The following TMTC1 variants were observed in gnomAD, a reference collection of about 807,000 sequenced individuals.
TMTC1 encodes the protein protein O-mannosyl-transferase TMTC1.
Under a neutral mutation model 104.8 loss-of-function variants are expected in TMTC1, and 73 were observed. The ratio of observed to expected loss-of-function variants is 0.70; its 90% confidence interval spans 0.58 to 0.85. The LOEUF (loss-of-function observed/expected upper bound fraction) is 0.85, where lower values mean the gene tolerates loss of function less well. TMTC1 is among the 40% of genes least tolerant of loss of function. The pLI is 0.00. For synonymous variants in TMTC1, 434 were observed against 428.7 expected (o/e 1.01, Z -0.15); for missense variants, 1,035 against 1,096.1 (o/e 0.94, Z 0.79).
chr12:29,662,970 C>G (rs117199175), intron 5 of TMTC1, among the ~76,000 whole-genome samples: 333 of 152,322 alleles, frequency 2.2e-3, no homozygotes, highest in Non-Finnish European at 3.4e-3. Flanking sequence ...TAGCTGCCAA[C>G]AGAGAGCTTG....
At chr12:29,692,558 C>A (rs1941297365) in intron 5 of TMTC1, among the ~76,000 whole-genome samples, 1 of 145,120 alleles carries the variant, frequency 6.9e-6, no homozygotes, top group Admixed American at 7.1e-5. Flanking sequence ...TAGGATATGT[C>A]AACTGGTACA....
At position 29,633,318 on chromosome 12, in the gene TMTC1, G is replaced by T; in HGVS notation, c.957C>A (p.Tyr319Ter). The change falls in exon 6 of 18, where the codon TAC (tyrosine) becomes TAA (stop). Residue 319 changes from tyrosine (Y) to a stop codon, truncating the protein, a stop_gained. Transcript: ENST00000539277. LOFTEE classifies it high-confidence loss of function. The stretch of plus-strand genomic sequence containing the variant: ...GAAGCCACACATTGAAGGCCAAGAG[G>T]TAGGAATAGGTGAGGAATCTATAAA... ...WSMMRFLTYSYLLAFNVWLLL... is the reference protein window; with the variant it reads ...WSMMRFLTYS 1 of 1,611,336 alleles carries T rather than the reference G, an allele frequency of 6.2e-7. No homozygotes were observed. The highest frequency in any genetic ancestry group is 8.5e-7 in the Non-Finnish European group (1 of 1,178,266).
intron 1 of TMTC1, among the ~76,000 whole-genome samples, chr12:29,780,916 A>C (rs1413789166): frequency 6.6e-6 from 1 of 152,250 alleles, no homozygotes; most frequent in Non-Finnish European, 1.5e-5. Flanking sequence ...GATACAGTTA[A>C]AATGGTTTGC....
At chr12:29,565,363 T>C (rs1945481848) in intron 9 of TMTC1, among the ~76,000 whole-genome samples, 1 of 152,204 alleles carries the variant, frequency 6.6e-6, no homozygotes, top group Non-Finnish European at 1.5e-5. Flanking sequence ...TTTTACCAAA[T>C]ATCTAGGTAT....
chr12:29,771,995 T>G (rs1306916240), intron 1 of TMTC1, among the ~76,000 whole-genome samples: 5 of 152,194 alleles, frequency 3.3e-5, no homozygotes, highest in Non-Finnish European at 7.4e-5. Context: ...TAAACATGAA[T>G]GGATGAATGA....
In TMTC1 at chr12:29,502,682, C is replaced by A. The variant is rs4931197; in HGVS notation, c.*4164G>T. The A allele has an allele frequency of 4.7e-4, 72 of 152,308 alleles. No homozygotes were observed. The highest frequency in any genetic ancestry group is 1.7e-3 in the African/African-American group (72 of 41,554). 9.4% of individuals were successfully genotyped at this position (152,308 alleles called of 1,614,324 possible). A position where few individuals can be genotyped will look rare whatever the true frequency, so the allele number is the denominator to read the frequency against. ...GTGCCATACATCATTGTTAAGACTT[C>A]TTTGGCTCATTTTAGTATAGACTTA... On this transcript the variant is annotated 3_prime_UTR_variant, in exon 18 of 18. Coordinates refer to ENST00000539277, the MANE Select transcript of TMTC1 (RefSeq NM_001193451.2).
chr12:29,584,651 C>A (rs1946078563), intron 7 of TMTC1, among the ~76,000 whole-genome samples: 1 of 151,892 alleles, frequency 6.6e-6, no homozygotes, highest in Admixed American at 6.6e-5. Context: ...TCCATGTTGT[C>A]ATTGTTCAGT....
intron 5 of TMTC1, among the ~76,000 whole-genome samples, chr12:29,692,846 T>C (rs917357436): frequency 6.9e-6 from 1 of 145,266 alleles, no homozygotes; most frequent in Non-Finnish European, 1.5e-5. Context: ...TGTTATAACA[T>C]AGATAAACCT....
intron 9 of TMTC1, among the ~76,000 whole-genome samples, chr12:29,560,703 T>C (rs1395683433): frequency 2.6e-5 from 4 of 152,244 alleles, no homozygotes; most frequent in African/African-American, 7.2e-5. Flanking sequence ...CTTTAGTTAC[T>C]GGATAAACAA....
chr12:29,590,909 G>A (rs1946264905), intron 7 of TMTC1, among the ~76,000 whole-genome samples: 1 of 152,146 alleles, frequency 6.6e-6, no homozygotes, highest in Non-Finnish European at 1.5e-5. Flanking sequence ...CTCAGCCTTG[G>A]CCCAAATAAA....
intron 6 of TMTC1, among the ~76,000 whole-genome samples, chr12:29,606,852 T>G (rs1431816949): frequency 6.6e-6 from 1 of 151,990 alleles, no homozygotes; most frequent in African/African-American, 2.4e-5. Flanking sequence ...CTCACTACGG[T>G]GGGTGTTCAC....
intron 16 of TMTC1, 76 bp from the exon 17 acceptor site, chr12:29,512,196 C>G: frequency 8.1e-7 from 1 of 1,232,450 alleles, no homozygotes; most frequent in South Asian, 1.4e-5. Flanking sequence ...ACTTTCTTCA[C>G]GTGTGAAAAT....
intron 5 of TMTC1, chr12:29,660,123 C>G: frequency 3.0e-6 from 2 of 666,510 alleles, no homozygotes; most frequent in Non-Finnish European, 5.1e-6. Flanking sequence ...CTGGCTTGTA[C>G]TGACCAACAG....
At chr12:29,723,065 G>C (rs891212203) in intron 5 of TMTC1, among the ~76,000 whole-genome samples, 2 of 151,776 alleles carry the variant, frequency 1.3e-5, no homozygotes, top group African/African-American at 4.8e-5. Flanking sequence ...AAATTATAAA[G>C]AGTACCTTTT....
At chr12:29,630,061 A>G (rs557751212) in intron 6 of TMTC1, among the ~76,000 whole-genome samples, 79 of 152,300 alleles carry the variant, frequency 5.2e-4, no homozygotes, top group African/African-American at 1.5e-3. Context: ...TCATATTTTA[A>G]AAAGCATAAA....
At chr12:29,666,137 C>A (rs1940267165) in intron 5 of TMTC1, 1 of 422,538 alleles carries the variant, frequency 2.4e-6, no homozygotes, top group Non-Finnish European at 4.6e-6. Flanking sequence ...ATATTTTTAA[C>A]ACATATAGCA....
chr12:29,643,590 A>C (rs1211283464), intron 5 of TMTC1, among the ~76,000 whole-genome samples: 2 of 38,276 alleles, frequency 5.2e-5, no homozygotes, highest in Non-Finnish European at 8.5e-5. Context: ...TCATATATAA[A>C]TATATATTAT....
At chr12:29,741,749 C>T (rs1204147976) in intron 5 of TMTC1, among the ~76,000 whole-genome samples, 2 of 152,208 alleles carry the variant, frequency 1.3e-5, no homozygotes, top group African/African-American at 2.4e-5. Flanking sequence ...CGTTTTAATG[C>T]TCAAGACATT....
chr12:29,545,676 C>CACACAG (rs1555167547), intron 10 of TMTC1, among the ~76,000 whole-genome samples: 21,730 of 137,738 alleles, frequency 0.16, 2,682 homozygotes, highest in Admixed American at 0.28. Context: ...CACACACACA[C>CACACAG]GGATAGAAAC....
Sources: gnomAD v4.1 joint callset for allele counts (sites outside exome capture counted in the v4.1 genomes callset) on GRCh38, gnomAD v4.1.1 for gene constraint, MANE v1.5 for transcripts, NCBI Gene and HGNC (gene_info 2026-07-23, HGNC 2026-07-21) for gene names.